Variants in MAG observed in about 807,000 individuals in gnomAD.
MAG encodes the protein myelin associated glycoprotein.
A neutral mutation model predicts 60.7 loss-of-function variants in MAG; 30 were observed. That is an observed-to-expected ratio of 0.49 (90% CI 0.37 to 0.67). The LOEUF is 0.67. Ranked by LOEUF, MAG falls within the 30% of genes least tolerant of loss-of-function variation. The probability of loss-of-function intolerance (pLI) is 0.00; values close to 1 mark genes in which losing one functional copy is unlikely to be tolerated. For synonymous variants in MAG, 384 were observed against 376.8 expected, an observed-to-expected ratio of 1.02 and a Z score of -0.22; for missense variants, 795 against 851.7, an observed-to-expected ratio of 0.93 and a Z score of 0.83.
intron 6 of MAG, among the ~76,000 whole-genome samples, chr19:35,301,900 G>A (rs2066451434): frequency 7.3e-6 from 1 of 137,070 alleles, no homozygotes; most frequent in Non-Finnish European, 1.5e-5. Flanking sequence ...CTTCCCCCCG[G>A]CATTCCCCAC....
intron 9 of MAG, among the ~76,000 whole-genome samples, chr19:35,311,271 C>T (rs1381096175): frequency 6.6e-6 from 1 of 152,046 alleles, no homozygotes; most frequent in Non-Finnish European, 1.5e-5. Flanking sequence ...AATTAGAGGC[C>T]AGCCTGGGCA....
chr19:35,312,146 C>T, intron 10 of MAG, 129 bp downstream of exon 10: 1 of 1,260,686 alleles, frequency 7.9e-7, no homozygotes, highest in Non-Finnish European at 1.2e-6. Flanking sequence ...GAAGGACATT[C>T]CAGGGCTGGG....
chr19:35,295,455 G>A lies in MAG; in HGVS notation c.46+1G>A. The A allele has an allele frequency of 6.2e-7, 1 of 1,613,990 alleles. No homozygotes were observed. The highest frequency in any genetic ancestry group is 8.5e-7 in the Non-Finnish European group (1 of 1,180,010). On this transcript the variant is annotated splice_donor_variant, in intron 3 of 10. Coordinates refer to ENST00000392213, the MANE Select transcript of MAG (RefSeq NM_002361.4). LOFTEE classifies it high-confidence loss of function. The surrounding 1 kb of genome is among the most constrained non-coding windows in gnomAD (Gnocchi z 5.8). Reference sequence around the variant, plus strand: ...CCTCTGTTCTGGATTATGATTTCAGGTAACGGCTGACAGGTGCTGGGGACC... The same window carrying A: ...CCTCTGTTCTGGATTATGATTTCAGATAACGGCTGACAGGTGCTGGGGACC...
chr19:35,295,477 G>T lies in MAG; in HGVS notation c.46+23G>T. ...CAGGTAACGGCTGACAGGTGCTGGG[G>T]ACCTAAAGGCTTTGGCCCCTGAGCA... is the stretch of plus-strand genomic sequence containing the variant. On this transcript the variant is annotated intron_variant, in intron 3 of 10. Transcript: ENST00000392213. This position sits in a 1 kb window ranked among gnomAD's most constrained non-coding sequence, Gnocchi z 5.8. 6.2e-7 allele frequency: 1 copy of T among 1,613,954 alleles called. No individual in the cohort carries two copies. Among genetic ancestry groups the T allele is most frequent in the South Asian group, 1.1e-5 (1 of 91,058 alleles).
chr19:35,309,838 T>C, intron 7 of MAG, 36 bp from the exon 8 acceptor site: 1 of 1,589,728 alleles, frequency 6.3e-7, no homozygotes, highest in Non-Finnish European at 8.5e-7. Context: ...TCGCGTTGGC[T>C]CCGGGCCACC....
In MAG at chr19:35,311,925, G is replaced by A. The variant is rs2066530293; in HGVS notation, c.1624G>A (p.Val542Met). Residue 542 changes from valine to methionine, a missense_variant, in exon 10 of 11, where the codon GTG becomes ATG. Val to Met is a conservative substitution (Grantham distance 21, BLOSUM62 1). Coordinates refer to ENST00000392213, the MANE Select transcript of MAG (RefSeq NM_002361.4). ...YITQTRRKKN[V>M]TESPSFSAGD... The stretch of plus-strand genomic sequence containing the variant: ...ACGAGTCCTGCCCTGCAGAAAGAAC[G>A]TGACAGAGAGCCCCAGCTTCTCGGC... 8 of 1,612,238 alleles carry A rather than the reference G, an allele frequency of 5.0e-6. No individual in the cohort carries two copies. Among genetic ancestry groups the A allele is most frequent in the African/African-American group, 1.3e-5 (1 of 74,872 alleles).
At chr19:35,307,694 A>G (rs1054946469) in intron 7 of MAG, among the ~76,000 whole-genome samples, 1 of 152,178 alleles carries the variant, frequency 6.6e-6, no homozygotes, top group Admixed American at 6.5e-5. Context: ...CAAAAATCAT[A>G]GTAATAACAA....
At chr19:35,304,480 C>T (rs1047226406) in intron 7 of MAG, among the ~76,000 whole-genome samples, 4 of 152,078 alleles carry the variant, frequency 2.6e-5, no homozygotes, top group Non-Finnish European at 5.9e-5. Flanking sequence ...TAGGGGCCTG[C>T]CCTGGGCCAG....
chr19:35,294,199 G>T, intron 1 of MAG, 36 bp from the exon 2 acceptor site: 1 of 404,432 alleles, frequency 2.5e-6, no homozygotes, highest in South Asian at 1.7e-5. Flanking sequence ...CCTCAATCCC[G>T]CCCCCTTGCA....
At chr19:35,302,390 T>C (rs2066454704) in intron 6 of MAG, 58 bp from the exon 7 acceptor site, 1 of 1,596,252 alleles carries the variant, frequency 6.3e-7, no homozygotes, top group Non-Finnish European at 8.6e-7. Flanking sequence ...GGATGGTAGT[T>C]GGCTGGCAGA....
chr19:35,302,721 C>A lies in MAG; in HGVS notation c.1231+13C>A, dbSNP rs201779990. 6.2e-7 allele frequency: 1 copy of A among 1,611,068 alleles called. No homozygotes were observed. The highest frequency in any genetic ancestry group is 8.5e-7 in the Non-Finnish European group (1 of 1,179,172). ...CTGTCTGTGGAGTGTGAGTACCTTC[C>A]GCTCCCCTATGCTGGGGATGGACGG... On this transcript the variant is annotated intron_variant, in intron 7 of 10. Coordinates refer to ENST00000392213, the MANE Select transcript of MAG (RefSeq NM_002361.4).
chr19:35,307,289 C>T (rs971486992), intron 7 of MAG, among the ~76,000 whole-genome samples: 24 of 152,166 alleles, frequency 1.6e-4, no homozygotes, highest in African/African-American at 5.6e-4. Context: ...AATCCGTGTG[C>T]CCGTGTGACT....
chr19:35,295,718 G>A lies in MAG; in HGVS notation c.152G>A (p.Arg51Gln), dbSNP rs200718920. 3.5e-5 allele frequency: 57 copies of A among 1,613,570 alleles called. No individual in the cohort carries two copies. In the East Asian group the frequency reaches 8.9e-4, roughly 25 times the overall value. Residue 51 changes from arginine to glutamine, a missense_variant, in exon 4 of 11, where the codon CGG becomes CAG. Arg to Gln is a conservative substitution (Grantham distance 43, BLOSUM62 1). Coordinates refer to ENST00000392213, the MANE Select transcript of MAG (RefSeq NM_002361.4). This position sits in a 1 kb window ranked among gnomAD's most constrained non-coding sequence, Gnocchi z 5.8. The part of the protein sequence containing the change: ...PCRFDFPDEL[R>Q]PAVVHGVWYF... ...CGCTTTGACTTCCCGGATGAGCTGCGGCCCGCTGTGGTGCATGGTGTCTGG... is the reference window on the plus strand; with the variant it reads ...CGCTTTGACTTCCCGGATGAGCTGCAGCCCGCTGTGGTGCATGGTGTCTGG...
At position 35,302,609 on chromosome 19, in the gene MAG, G is replaced by C. The variant is rs1287436607; in HGVS notation, c.1132G>C (p.Glu378Gln). The C allele has an allele frequency of 6.2e-7, 1 of 1,614,234 alleles. No homozygotes were observed. The highest frequency in any genetic ancestry group is 1.1e-5 in the South Asian group (1 of 91,088). ...CATCTACGAGAGCGAGCTGCAGCTG[G>C]AGCTGCCGGCCGTGTCACCCGAGGA... ...TVIYESELQL[E>Q]LPAVSPEDDG... is the part of the protein sequence containing the mutation. The change falls in exon 7 of 11, where the codon GAG becomes CAG. Residue 378 changes from glutamate to glutamine, a missense_variant. Glu to Gln is a conservative substitution (Grantham distance 29). Coordinates refer to ENST00000392213, the MANE Select transcript of MAG (RefSeq NM_002361.4).
In MAG at chr19:35,300,492, G is replaced by C. The variant is rs536455373; in HGVS notation, c.970+88G>C. 3.5e-5 allele frequency: 51 copies of C among 1,457,332 alleles called. No individual in the cohort carries two copies. In the East Asian group the frequency reaches 1.1e-3, roughly 32 times the overall value. The allele number at this position is 1,457,332 out of a possible 1,614,324, so 90.3% of individuals were successfully genotyped here. ...CCTCATCCAGGGCGAGCATGGGCTG[G>C]GTCCCGAGGGGACCGGCCATAAACA... On this transcript the variant is annotated intron_variant, in intron 6 of 10. Coordinates refer to ENST00000392213, the MANE Select transcript of MAG (RefSeq NM_002361.4).
At chr19:35,299,898 T>C in intron 5 of MAG, 48 bp downstream of exon 5, 1 of 97,358 alleles carries the variant, frequency 1.0e-5, no homozygotes, top group Non-Finnish European at 1.9e-5. Context: ...TGGGGCGGGG[T>C]CCGGGGAGGG....
At chr19:35,300,038 A>C in intron 5 of MAG, 109 bp from the exon 6 acceptor site, 1 of 933,158 alleles carries the variant, frequency 1.1e-6, no homozygotes, top group Admixed American at 6.9e-5. Context: ...GGCGGGGCCA[A>C]GGCTGAGGGC....
chr19:35,299,865 G>A lies in MAG; in HGVS notation c.712+15G>A. The A allele has an allele frequency of 1.7e-6, 2 of 1,162,580 alleles. No homozygotes were observed. Among genetic ancestry groups the A allele is most frequent in the Non-Finnish European group, 2.3e-6 (2 of 875,156 alleles). 72.0% of individuals were successfully genotyped at this position (1,162,580 alleles called of 1,614,324 possible). A position where few individuals can be genotyped will look rare whatever the true frequency, so the allele number is the denominator to read the frequency against. ...GGACGTCAAGTGTGAGCCTGGGTGC[G>A]GGCGGGGCGGGGTGGGGCGGGGTGG... On this transcript the variant is annotated intron_variant, in intron 5 of 10. Coordinates refer to ENST00000392213, the MANE Select transcript of MAG (RefSeq NM_002361.4).
rs1347217077 is a variant in MAG at position 35,294,303 on chromosome 19, G to T, written c.-24+13G>T. Reference sequence around the variant, plus strand: ...CAGGGAGATTCAGGTGAGGGGCAGGGTACCAACTCTCTTCCCTTGCTTCAG... The same window carrying T: ...CAGGGAGATTCAGGTGAGGGGCAGGTTACCAACTCTCTTCCCTTGCTTCAG... On this transcript the variant is annotated intron_variant, in intron 2 of 10. Transcript: ENST00000392213. The T allele has an allele frequency of 4.6e-6, 2 of 437,114 alleles. No individual in the cohort carries two copies. Among genetic ancestry groups the T allele is most frequent in the Non-Finnish European group, 9.1e-6 (2 of 219,040 alleles). The allele number at this position is 437,114 out of a possible 1,614,324, so 27.1% of individuals were successfully genotyped here.
Sources: allele counts gnomAD v4.1 joint callset (sites outside exome capture counted in the v4.1 genomes callset), GRCh38; gene constraint gnomAD v4.1.1; non-coding constraint Gnocchi (gnomAD v3.1); transcripts MANE v1.5; gene names NCBI Gene and HGNC (gene_info 2026-07-23, HGNC 2026-07-21).